The following PCDH7 variants were observed in gnomAD, a reference collection of about 807,000 sequenced individuals.
The protein encoded by PCDH7 is protocadherin 7.
In PCDH7, 17 loss-of-function variants were observed where a neutral mutation model predicts 58.9. The ratio of observed to expected loss-of-function variants is 0.29; its 90% confidence interval spans 0.20 to 0.43. PCDH7 has a LOEUF of 0.43. PCDH7 is among the 20% of genes least tolerant of loss of function. The probability of loss-of-function intolerance (pLI) is 1.00; values close to 1 mark genes in which losing one functional copy is unlikely to be tolerated. For missense variants in PCDH7, 1,274 were observed against 1,441.0 expected (o/e 0.88, Z 1.88); for synonymous variants, 664 against 616.4 (o/e 1.08, Z -1.14).
intron 3 of PCDH7, among the ~76,000 whole-genome samples, chr4:31,102,467 A>T (rs181851297): frequency 6.6e-6 from 1 of 152,280 alleles, no homozygotes; most frequent in East Asian, 1.9e-4. Flanking sequence ...TCATGCCTGT[A>T]ATTCCAGCAC....
At chr4:30,802,906 CAGGAGG>C (rs1179882333) in intron 1 of PCDH7, among the ~76,000 whole-genome samples, 3 of 152,022 alleles carry the variant, frequency 2.0e-5, no homozygotes, top group Non-Finnish European at 4.4e-5. Flanking sequence ...CTTGGCAGCC[CAGGAGG>C]AGGAGGAGAG....
chr4:31,082,870 GGGCCA>G (rs1711717345), intron 3 of PCDH7, among the ~76,000 whole-genome samples: 3 of 152,088 alleles, frequency 2.0e-5, no homozygotes, highest in Non-Finnish European at 2.9e-5. Flanking sequence ...GGGAGGCCAA[GGGCCA>G]AGGTGGGCGG....
At chr4:30,957,324 CA>C (rs1747962132) in intron 3 of PCDH7, among the ~76,000 whole-genome samples, 2 of 152,106 alleles carry the variant, frequency 1.3e-5, no homozygotes, top group African/African-American at 2.4e-5. Flanking sequence ...ATTTATTTGA[CA>C]GGGGAAAAAT....
Position 30,723,565 on chromosome 4 carries a change from G to C in PCDH7, c.2143G>C (p.Val715Leu). Residue 715 changes from valine (V) to leucine (L), a missense_variant, in exon 1 of 2, where the codon GTG becomes CTG. Coordinates refer to ENST00000361762, the Ensembl canonical transcript of PCDH7. The surrounding 1 kb of genome is among the most constrained non-coding windows in gnomAD (Gnocchi z 4.6). ...CACATACACTTTCAGAGTCAAGGCT[G>C]TGGATGGGGGAGATCCTCCCAGATC... The C allele has an allele frequency of 1.2e-6, 2 of 1,614,194 alleles. No individual in the cohort carries two copies. The highest frequency in any genetic ancestry group is 1.7e-5 in the Admixed American group (1 of 60,036).
Position 30,723,045 on chromosome 4 carries a change from G to A in PCDH7, c.1623G>A (p.Glu541=). 6.2e-7 allele frequency: 1 copy of A among 1,613,888 alleles called. No individual in the cohort carries two copies. Among genetic ancestry groups the A allele is most frequent in the South Asian group, 1.1e-5 (1 of 91,076 alleles). The stretch of plus-strand genomic sequence containing the variant: ...CCATGTTCGGCCAGTCGGTGGTGGA[G>A]GTTTACTTCCCTGAGAACAACATCC... Residue 541 remains glutamate, a synonymous_variant, in exon 1 of 2, where the codon GAG becomes GAA. Coordinates refer to ENST00000361762, the Ensembl canonical transcript of PCDH7. The surrounding 1 kb of genome is among the most constrained non-coding windows in gnomAD (Gnocchi z 4.6).
chr4:31,021,971 C>G (rs573130533), intron 3 of PCDH7, among the ~76,000 whole-genome samples: 1 of 152,040 alleles, frequency 6.6e-6, no homozygotes, highest in African/African-American at 2.4e-5. Flanking sequence ...GGTGAATGTA[C>G]CTTTGGTTAG....
At chr4:30,864,467 AC>A (rs1399620804) in intron 1 of PCDH7, among the ~76,000 whole-genome samples, 3 of 149,900 alleles carry the variant, frequency 2.0e-5, no homozygotes, top group East Asian at 4.0e-4. Flanking sequence ...ACACACACAC[AC>A]ATTTTTTGTT....
intron 3 of PCDH7, among the ~76,000 whole-genome samples, chr4:31,033,087 G>C (rs991807287): frequency 2.6e-5 from 4 of 152,096 alleles, no homozygotes; most frequent in African/African-American, 9.7e-5. Context: ...TAATTTTAAA[G>C]TAATATTATC....
intron 3 of PCDH7, among the ~76,000 whole-genome samples, chr4:30,981,179 AG>A (rs1750530856): frequency 6.6e-6 from 1 of 152,208 alleles, no homozygotes; most frequent in Admixed American, 6.5e-5. Context: ...TTAAAAGAAA[AG>A]TAGAGCTCCA....
chr4:30,844,095 T>C (rs770838701), intron 1 of PCDH7, among the ~76,000 whole-genome samples: 5 of 152,124 alleles, frequency 3.3e-5, no homozygotes, highest in African/African-American at 4.8e-5. Flanking sequence ...TCAGATTATT[T>C]ACATAAGTGG....
chr4:30,931,324 C>T (rs1256429665), intron 2 of PCDH7, among the ~76,000 whole-genome samples: 1 of 152,064 alleles, frequency 6.6e-6, no homozygotes, highest in African/African-American at 2.4e-5. Flanking sequence ...ACCTGTAATC[C>T]CAGCACTTTG....
intron 3 of PCDH7, among the ~76,000 whole-genome samples, chr4:31,135,581 A>G (rs938686739): frequency 1.3e-5 from 2 of 152,206 alleles, no homozygotes; most frequent in African/African-American, 2.4e-5. Flanking sequence ...ATTGGTATTT[A>G]TTCCATAATA....
chr4:31,057,542 A>G (rs1214302685), intron 3 of PCDH7, among the ~76,000 whole-genome samples: 2 of 152,206 alleles, frequency 1.3e-5, no homozygotes, highest in East Asian at 3.9e-4. Context: ...CCAGTTAGCT[A>G]TGGGAATCCA....
intron 2 of PCDH7, among the ~76,000 whole-genome samples, chr4:30,937,991 T>C (rs534534919): frequency 2.6e-4 from 40 of 152,034 alleles, no homozygotes; most frequent in African/African-American, 9.6e-4. Context: ...TTTGTAATTA[T>C]CATATATATT....
At chr4:31,137,366 T>C (rs1164043761) in intron 3 of PCDH7, among the ~76,000 whole-genome samples, 2 of 152,180 alleles carry the variant, frequency 1.3e-5, no homozygotes, top group African/African-American at 4.8e-5. Flanking sequence ...GCAGATCCCT[T>C]GAGATCAGGA....
intron 1 of PCDH7, among the ~76,000 whole-genome samples, chr4:30,827,657 G>A (rs571661041): frequency 1.3e-5 from 2 of 152,236 alleles, no homozygotes; most frequent in East Asian, 1.9e-4. Flanking sequence ...TGCCTACAAG[G>A]CCATCAATCT....
chr4:30,960,897 A>G (rs1748347797), intron 3 of PCDH7, among the ~76,000 whole-genome samples: 1 of 152,204 alleles, frequency 6.6e-6, no homozygotes, highest in Non-Finnish European at 1.5e-5. Flanking sequence ...AAGATGTTTT[A>G]TGTTTTAATC....
chr4:31,056,441 GGAAAGAAAGAAAGAAAGAA>G (rs1159282479), intron 3 of PCDH7, among the ~76,000 whole-genome samples: 2 of 39,314 alleles, frequency 5.1e-5, no homozygotes, highest in African/African-American at 3.6e-4. Context: ...AAAGAAAGAA[GGAAAGAAAGAAAGAAAGAA>G]GAAAGAAAGA....
At chr4:30,884,147 G>C (rs964782212) in intron 1 of PCDH7, among the ~76,000 whole-genome samples, 1 of 152,100 alleles carries the variant, frequency 6.6e-6, no homozygotes, top group African/African-American at 2.4e-5. Flanking sequence ...TAATGATAAA[G>C]TTAATAGCTG....
Sources: gnomAD v4.1 joint callset for allele counts (sites outside exome capture counted in the v4.1 genomes callset) on GRCh38, gnomAD v4.1.1 for gene constraint, Gnocchi (gnomAD v3.1) non-coding constraint, MANE v1.5 for transcripts, NCBI Gene and HGNC (gene_info 2026-07-23, HGNC 2026-07-21) for gene names.